The following SLC6A12 variants were observed in gnomAD, a reference collection of about 807,000 sequenced individuals.
The protein encoded by SLC6A12 is solute carrier family 6 member 12.
SLC6A12 carries 50 observed loss-of-function variants against 73.3 expected under a neutral mutation model. The ratio of observed to expected loss-of-function variants is 0.68; its 90% CI spans 0.54 to 0.86. The LOEUF (loss-of-function observed/expected upper bound fraction) is 0.86. Ranked by LOEUF, SLC6A12 falls within the 40% of genes least tolerant of loss-of-function variation. The pLI is 0.00. For missense variants in SLC6A12, 648 were observed against 772.8 expected, an observed-to-expected ratio of 0.84 and a Z score of 1.92; for synonymous variants, 304 against 309.2, an observed-to-expected ratio of 0.98 and a Z score of 0.18.
chr12:199,770 C>A (rs1176800526), intron 7 of SLC6A12: 1 of 152,134 alleles, frequency 6.6e-6, no homozygotes, highest in Non-Finnish European at 1.5e-5. Context: ...ATGCTCAAAT[C>A]TGAATTCTGT....
At chr12:200,976 T>C (rs1281932131) in intron 6 of SLC6A12, among the ~76,000 whole-genome samples, 193 bp from the exon 7 acceptor site, 1 of 152,200 alleles carries the variant, frequency 6.6e-6, no homozygotes, top group Admixed American at 6.5e-5. Flanking sequence ...ATGCATATCT[T>C]TATCTTTCTA....
chr12:202,678 T>C, intron 5 of SLC6A12, 62 bp downstream of exon 5: 1 of 1,548,792 alleles, frequency 6.5e-7, no homozygotes. Flanking sequence ...TTGCTTGGAT[T>C]CACCAGCCAC....
chr12:205,739 C>T (rs1940600476), intron 3 of SLC6A12, among the ~76,000 whole-genome samples: 1 of 152,154 alleles, frequency 6.6e-6, no homozygotes, highest in African/African-American at 2.4e-5. Context: ...ACATGTATTT[C>T]TTTTTTTGCA....
At chr12:193,480 G>T (rs1051863134) in intron 13 of SLC6A12, 103 bp from the exon 14 acceptor site, 2 of 799,136 alleles carry the variant, frequency 2.5e-6, no homozygotes, top group Non-Finnish European at 4.1e-6. Flanking sequence ...CCTCACCCCC[G>T]CCCTGTGCAG....
At chr12:188,353 C>T (rs1296130010), downstream of SLC6A12, among the ~76,000 whole-genome samples, 48 of 152,076 alleles carry the variant, frequency 3.2e-4, no homozygotes, top group South Asian at 9.1e-3. Flanking sequence ...CCGGCGGGGC[C>T]GGCAGGCCGC....
At chr12:185,634 A>AGAG, downstream of SLC6A12, among the ~76,000 whole-genome samples, 1 of 152,336 alleles carries the variant, frequency 6.6e-6, no homozygotes, top group Middle Eastern at 3.4e-3. Context: ...CAGCCTTGGC[A>AGAG]GGGAGCAAGC....
the SLC6A12 span, among the ~76,000 whole-genome samples, chr12:185,002 GA>G: frequency 6.6e-6 from 1 of 152,158 alleles, no homozygotes; most frequent in South Asian, 2.1e-4. Context: ...AACCAGGAAG[GA>G]AGCAAGGATG....
At position 195,294 on chromosome 12, in the gene SLC6A12, A is replaced by T; in HGVS notation, c.1360T>A (p.Tyr454Asn). Residue 454 changes from tyrosine (Y) to asparagine (N), a missense_variant, in exon 13 of 16, where the codon TAT becomes AAT. By Grantham distance (143) the Tyr-to-Asn change is moderately radical. Coordinates refer to ENST00000684302, the MANE Select transcript of SLC6A12 (RefSeq NM_001122848.3). Reference protein sequence around the residue: ...GMYIFQLFDYYASSGICLLFL... With the variant: ...GMYIFQLFDYNASSGICLLFL... ...AGCAGGCATATGCCACTGGAAGCAT[A>T]GTAGTCAAACAGCTGGAAGATGTAC... The T allele has an allele frequency of 6.2e-7, 1 of 1,613,562 alleles. No individual in the cohort carries two copies. Among genetic ancestry groups the T allele is most frequent in the Non-Finnish European group, 8.5e-7 (1 of 1,179,424 alleles).
At chr12:186,941 G>A (rs991875114), downstream of SLC6A12, among the ~76,000 whole-genome samples, 1 of 152,146 alleles carries the variant, frequency 6.6e-6, no homozygotes, top group Admixed American at 6.5e-5. Context: ...ACTGCCCTCT[G>A]CTGTCCCTTG....
intron 10 of SLC6A12, 32 bp downstream of exon 10, chr12:197,345 C>T (rs1176278043): frequency 4.4e-6 from 7 of 1,599,048 alleles, no homozygotes; most frequent in African/African-American, 4.0e-5. Context: ...CTCTCCTTCC[C>T]CTCAGGCCCC....
chr12:210,105 C>A, intron 2 of SLC6A12, 62 bp from the exon 3 acceptor site: 1 of 1,473,160 alleles, frequency 6.8e-7, no homozygotes, highest in South Asian at 1.4e-5. Context: ...CCTGCTTTCC[C>A]ATCCCGATCT....
downstream of SLC6A12, among the ~76,000 whole-genome samples, chr12:188,661 C>G (rs1402700594): frequency 4.8e-5 from 7 of 144,848 alleles, no homozygotes; most frequent in Non-Finnish European, 1.1e-4. Flanking sequence ...CTGCTCCTTA[C>G]GCACGCACGT....
chr12:203,059 C>CTTTTTTTTTTTTT (rs10582500), intron 4 of SLC6A12, among the ~76,000 whole-genome samples, 179 bp from the exon 5 acceptor site: 106 of 68,326 alleles, frequency 1.6e-3, no homozygotes, highest in Admixed American at 2.0e-3. Context: ...TTTTTCTTTT[C>CTTTTTTTTTTTTT]TTTTTTTTTT....
intron 1 of SLC6A12, among the ~76,000 whole-genome samples, chr12:212,824 G>A (rs1031566062): frequency 2.0e-5 from 3 of 152,096 alleles, no homozygotes; most frequent in Non-Finnish European, 2.9e-5. Flanking sequence ...CTCCAGCTTC[G>A]GCTGGCCGCC....
intron 15 of SLC6A12, 140 bp from the exon 16 acceptor site, chr12:191,351 C>T (rs911358623): frequency 6.2e-6 from 4 of 649,220 alleles, no homozygotes; most frequent in African/African-American, 1.9e-5. Flanking sequence ...ATGAATGAAC[C>T]GTTTGAGGTG....
At chr12:192,436 A>G (rs771438966) in intron 15 of SLC6A12, 42 bp downstream of exon 15, 4 of 1,586,280 alleles carry the variant, frequency 2.5e-6, no homozygotes, top group South Asian at 1.1e-5. Flanking sequence ...AGCCTCTCTC[A>G]GTGCCCTCCT....
rs146580584 is a variant in SLC6A12 at position 198,630 on chromosome 12, G to T, written c.846+167C>A. ...ATATTTGAGTGGTGGAATTACAAGA[G>T]ATTTTTTTAGTTTCTTTTTTATAGC... On this transcript the variant is annotated intron_variant, in intron 8 of 15. Transcript: ENST00000684302. The surrounding 1 kb of genome is among the most constrained non-coding windows in gnomAD (Gnocchi z 4.0). The T allele has an allele frequency of 8.0e-3, 5,228 of 651,102 alleles. 23 individuals carry two copies. Among genetic ancestry groups the T allele is most frequent in the Non-Finnish European group, 0.01 (4,057 of 397,390 alleles). 40.3% of individuals were successfully genotyped at this position (651,102 alleles called of 1,614,324 possible).
chr12:205,635 TCATATC>T (rs1296320311), intron 3 of SLC6A12, among the ~76,000 whole-genome samples: 2 of 152,228 alleles, frequency 1.3e-5, no homozygotes, highest in Non-Finnish European at 2.9e-5. Flanking sequence ...CTCTGATACT[TCATATC>T]CATATTATTA....
downstream of SLC6A12, among the ~76,000 whole-genome samples, chr12:188,058 A>G (rs372888537): frequency 2.6e-5 from 4 of 152,326 alleles, no homozygotes; most frequent in East Asian, 7.7e-4. Context: ...GGCTTCACCC[A>G]GTGGATCCCT....
Sources: gnomAD v4.1 joint callset for allele counts (sites outside exome capture counted in the v4.1 genomes callset) on GRCh38, gnomAD v4.1.1 for gene constraint, Gnocchi (gnomAD v3.1) non-coding constraint, MANE v1.5 for transcripts, NCBI Gene and HGNC (gene_info 2026-07-23, HGNC 2026-07-21) for gene names.